KLF12: variants seen among roughly 807,000 people sequenced by gnomAD.
The protein encoded by KLF12 is Krueppel-like factor 12.
KLF12 carries 9 observed loss-of-function variants against 37.8 expected under a neutral mutation model. The ratio of observed to expected loss-of-function variants is 0.24; its 90% CI spans 0.14 to 0.42. KLF12 has a LOEUF of 0.42. Ranked by LOEUF, KLF12 falls within the 10% of genes least tolerant of loss-of-function variation. The pLI, the probability that KLF12 is intolerant of heterozygous loss-of-function variation, is 1.00. For missense variants in KLF12, 411 were observed against 516.0 expected (o/e 0.80, Z 1.97); for synonymous variants, 208 against 202.1 (o/e 1.03, Z -0.25).
intron 1 of KLF12, among the ~76,000 whole-genome samples, chr13:74,076,268 G>A (rs1436287447): frequency 6.6e-6 from 1 of 152,132 alleles, no homozygotes; most frequent in African/African-American, 2.4e-5. Flanking sequence ...TAGTGCATTT[G>A]TGCTGCTATG....
the KLF12 span, among the ~76,000 whole-genome samples, chr13:74,275,852 TTCTTTCTTTCTTTCTA>T: frequency 1.6e-4 from 19 of 118,502 alleles, no homozygotes; most frequent in Admixed American, 3.6e-4. Context: ...CTTTCTTTCT[TTCTTTCTTTCTTTCTA>T]TCTTTCTTTC....
At chr13:74,041,407 T>G (rs1893398766) in intron 1 of KLF12, among the ~76,000 whole-genome samples, 1 of 152,174 alleles carries the variant, frequency 6.6e-6, no homozygotes. Flanking sequence ...TTACTGTCCT[T>G]CAGATAAGAC....
At chr13:74,041,700 AC>A (rs1399561804) in intron 1 of KLF12, among the ~76,000 whole-genome samples, 1 of 147,264 alleles carries the variant, frequency 6.8e-6, no homozygotes, top group Non-Finnish European at 1.5e-5. Flanking sequence ...TTACACACAC[AC>A]ACACACACAC....
At chr13:73,985,483 A>G (rs1891804386) in intron 2 of KLF12, among the ~76,000 whole-genome samples, 1 of 152,204 alleles carries the variant, frequency 6.6e-6, no homozygotes, top group African/African-American at 2.4e-5. Flanking sequence ...ACAACCAGTG[A>G]TTATCACAGT....
At chr13:73,695,993 C>T (rs1448331901) in intron 7 of KLF12, among the ~76,000 whole-genome samples, 1 of 152,132 alleles carries the variant, frequency 6.6e-6, no homozygotes, top group Admixed American at 6.5e-5. Context: ...TAAAGCTTTA[C>T]CCAGTTTGAT....
At chr13:73,785,003 T>C (rs1881245161) in intron 5 of KLF12, among the ~76,000 whole-genome samples, 1 of 152,098 alleles carries the variant, frequency 6.6e-6, no homozygotes, top group South Asian at 2.1e-4. Context: ...TGAAGGTACA[T>C]CATGCTGGTG....
At chr13:74,244,833 C>T in the KLF12 span, among the ~76,000 whole-genome samples, 172 of 152,290 alleles carry the variant, frequency 1.1e-3, no homozygotes, top group African/African-American at 3.6e-3. Context: ...TGAATTCCCC[C>T]AGCACATTAC....
intron 5 of KLF12, among the ~76,000 whole-genome samples, chr13:73,765,779 G>C (rs913593155): frequency 6.6e-6 from 1 of 152,086 alleles, no homozygotes; most frequent in African/African-American, 2.4e-5. Context: ...CCGGCTGCCA[G>C]CTTCCTGTTA....
chr13:73,904,710 G>A (rs1593703489), intron 3 of KLF12, among the ~76,000 whole-genome samples: 1 of 151,946 alleles, frequency 6.6e-6, no homozygotes, highest in African/African-American at 2.4e-5. Flanking sequence ...CATTGTACGA[G>A]CAACATGCTA....
At chr13:74,050,043 C>A (rs1194244835) in intron 1 of KLF12, among the ~76,000 whole-genome samples, 1 of 152,048 alleles carries the variant, frequency 6.6e-6, no homozygotes, top group Non-Finnish European at 1.5e-5. Flanking sequence ...AATGATAGGG[C>A]CCACTGAGTA....
At chr13:73,701,396 A>G (rs1243870529) in intron 7 of KLF12, among the ~76,000 whole-genome samples, 3 of 152,230 alleles carry the variant, frequency 2.0e-5, no homozygotes, top group African/African-American at 4.8e-5. Context: ...TCTGGAAATA[A>G]GCTAAAAATA....
At chr13:74,287,177 C>T in the KLF12 span, among the ~76,000 whole-genome samples, 1 of 152,174 alleles carries the variant, frequency 6.6e-6, no homozygotes, top group South Asian at 2.1e-4. Flanking sequence ...AGCTGCAGGC[C>T]ACTAGGTAAG....
At chr13:73,770,319 G>T (rs1370271117) in intron 5 of KLF12, among the ~76,000 whole-genome samples, 1 of 152,206 alleles carries the variant, frequency 6.6e-6, no homozygotes, top group East Asian at 1.9e-4. Context: ...ATAAAAATAT[G>T]AGTGTGACCA....
chr13:74,021,960 T>C (rs1892851545), intron 1 of KLF12, among the ~76,000 whole-genome samples: 1 of 152,170 alleles, frequency 6.6e-6, no homozygotes, highest in African/African-American at 2.4e-5. Flanking sequence ...CAAAACATAG[T>C]GATGGTCATC....
At chr13:74,165,674 A>G in the KLF12 span, among the ~76,000 whole-genome samples, 1 of 152,188 alleles carries the variant, frequency 6.6e-6, no homozygotes, top group Non-Finnish European at 1.5e-5. Flanking sequence ...CTTCACATCA[A>G]CATCACAGAC....
intron 2 of KLF12, among the ~76,000 whole-genome samples, chr13:73,956,267 T>C (rs954291826): frequency 6.6e-6 from 1 of 152,250 alleles, no homozygotes; most frequent in African/African-American, 2.4e-5. Flanking sequence ...AGGAAGTTTC[T>C]ATTACCCTCT....
the KLF12 span, among the ~76,000 whole-genome samples, chr13:74,241,672 G>C: frequency 2.3e-4 from 34 of 147,152 alleles, no homozygotes; most frequent in African/African-American, 4.8e-4. Context: ...TTTTAAGCCC[G>C]TCGGAAAAGC....
chr13:73,985,221 A>G (rs1220895496), intron 2 of KLF12, among the ~76,000 whole-genome samples: 1 of 152,204 alleles, frequency 6.6e-6, no homozygotes, highest in East Asian at 1.9e-4. Flanking sequence ...AGCCGACTCC[A>G]CCAAGTCCTA....
chr13:73,993,188 C>T (rs187545576), intron 2 of KLF12, among the ~76,000 whole-genome samples: 5 of 152,338 alleles, frequency 3.3e-5, no homozygotes, highest in East Asian at 1.9e-4. Context: ...GCCGAGATCG[C>T]GCCACTGCAT....
Sources: gnomAD v4.1 joint callset for allele counts (sites outside exome capture counted in the v4.1 genomes callset) on GRCh38, gnomAD v4.1.1 for gene constraint, MANE v1.5 for transcripts, NCBI Gene and HGNC (gene_info 2026-07-23, HGNC 2026-07-21) for gene names.